Variants in SGCD observed in about 807,000 individuals in gnomAD.
SGCD encodes delta-sarcoglycan.
A neutral mutation model predicts 36.6 loss-of-function variants in SGCD; 18 were observed. The observed-to-expected ratio is 0.49, with a 90% CI of 0.34 to 0.73. SGCD has a LOEUF of 0.73. Among genes scored for constraint, SGCD ranks in the 30% least tolerant of loss-of-function variants. SGCD has a pLI of 0.01. For missense variants in SGCD, 387 were observed against 346.7 expected (o/e 1.12, Z -0.92); for synonymous variants, 133 against 130.6 (o/e 1.02, Z -0.12).
In SGCD at chr5:156,439,774, C is replaced by T. The variant is rs76533902; in HGVS notation, c.193-68827C>T. Among the ~76,000 whole-genome samples, 699 of 152,240 alleles carry T rather than the reference C, an allele frequency of 4.6e-3. 3 individuals carry two copies. The highest frequency in any genetic ancestry group is 0.016 in the African/African-American group (661 of 41,556). ...GAACATTTTGATTAAAGTGAGAGCT[C>T]ACTGTGCAGGATGCTCCACTTAATT... On this transcript the variant is annotated intron_variant, in intron 3 of 8. Transcript: ENST00000337851.
intron 3 of SGCD, among the ~76,000 whole-genome samples, chr5:156,130,633 AAT>A (rs777701072): frequency 2.0e-5 from 3 of 152,186 alleles, no homozygotes; most frequent in Non-Finnish European, 2.9e-5. Flanking sequence ...GTTGTGAGGA[AAT>A]AGTCTCTTGA....
At chr5:156,377,666 G>C (rs1226379265) in intron 3 of SGCD, among the ~76,000 whole-genome samples, 2 of 152,060 alleles carry the variant, frequency 1.3e-5, no homozygotes, top group South Asian at 2.1e-4. Context: ...GGTGTGTACT[G>C]GTGGGTTCCA....
At chr5:156,106,956 G>A (rs1327362113) in intron 1 of SGCD, among the ~76,000 whole-genome samples, 1 of 152,040 alleles carries the variant, frequency 6.6e-6, no homozygotes, top group Non-Finnish European at 1.5e-5. Context: ...TAGAAAATGT[G>A]TATCCTATTG....
chr5:156,298,582 T>C (rs1378570173), intron 3 of SGCD, among the ~76,000 whole-genome samples: 5 of 146,008 alleles, frequency 3.4e-5, no homozygotes, highest in African/African-American at 7.6e-5. Context: ...TTTTCTTTTT[T>C]TTTTTTTTTT....
chr5:156,252,505 T>C (rs1277921777), intron 3 of SGCD, among the ~76,000 whole-genome samples: 1 of 152,224 alleles, frequency 6.6e-6, no homozygotes, highest in Non-Finnish European at 1.5e-5. Flanking sequence ...AATATAATTA[T>C]AGGTTTAATT....
At chr5:156,338,580 G>A (rs779331563) in intron 2 of SGCD, among the ~76,000 whole-genome samples, 1 of 152,148 alleles carries the variant, frequency 6.6e-6, no homozygotes, top group African/African-American at 2.4e-5. Flanking sequence ...TTAAAGATCT[G>A]TCGAAAATGG....
intron 1 of SGCD, among the ~76,000 whole-genome samples, chr5:155,931,036 G>A (rs1317190368): frequency 6.6e-6 from 1 of 152,028 alleles, no homozygotes; most frequent in African/African-American, 2.4e-5. Flanking sequence ...ATAATGGTTA[G>A]GATAGCTTAA....
chr5:155,908,447 G>T (rs1445893902), intron 1 of SGCD, among the ~76,000 whole-genome samples: 2 of 152,104 alleles, frequency 1.3e-5, no homozygotes, highest in South Asian at 2.1e-4. Context: ...CTGTATAAAG[G>T]TTATTTCACT....
intron 3 of SGCD, among the ~76,000 whole-genome samples, chr5:156,313,241 T>G (rs981742595): frequency 6.6e-6 from 1 of 152,088 alleles, no homozygotes; most frequent in Non-Finnish European, 1.5e-5. Context: ...AAAAAAAGCC[T>G]GTATCTTTCA....
chr5:156,210,808 A>T (rs1350558743), intron 3 of SGCD, among the ~76,000 whole-genome samples: 1 of 152,126 alleles, frequency 6.6e-6, no homozygotes, highest in African/African-American at 2.4e-5. Flanking sequence ...AGCTTATGGA[A>T]TTTACAGAAG....
intron 1 of SGCD, among the ~76,000 whole-genome samples, chr5:155,956,786 T>C (rs141019857): frequency 2.8e-5 from 4 of 143,520 alleles, no homozygotes; most frequent in African/African-American, 1.0e-4. Context: ...GACCTTTTTG[T>C]TGGACTCAGG....
intron 3 of SGCD, among the ~76,000 whole-genome samples, chr5:156,296,123 G>C (rs180962670): frequency 6.6e-6 from 1 of 152,282 alleles, no homozygotes; most frequent in Admixed American, 6.5e-5. Context: ...GCAGGCACAA[G>C]TTCTGTGGAG....
intron 1 of SGCD, among the ~76,000 whole-genome samples, chr5:155,947,281 T>C (rs1307407640): frequency 1.3e-5 from 2 of 148,982 alleles, no homozygotes; most frequent in African/African-American, 4.9e-5. Context: ...CTTGGTATTA[T>C]CATAAATACT....
intron 1 of SGCD, among the ~76,000 whole-genome samples, chr5:156,042,051 G>A (rs560059105): frequency 2.6e-5 from 4 of 152,248 alleles, no homozygotes; most frequent in African/African-American, 9.6e-5. Context: ...GCAACACCAA[G>A]GGCCTTGGGT....
In SGCD at chr5:156,759,500, G is replaced by A. The variant is rs542066860; in HGVS notation, c.*110G>A. On this transcript the variant is annotated 3_prime_UTR_variant, in exon 9 of 9. Transcript: ENST00000337851. ...ACAGAAAGCCTATCAAAGACCTTGT[G>A]TGTATGTGTACGTGTGTGTGCGTGC... The A allele has an allele frequency of 2.8e-6, 2 of 720,262 alleles. No homozygotes were observed. The highest frequency in any genetic ancestry group is 4.6e-6 in the Non-Finnish European group (2 of 431,022). 44.6% of individuals were successfully genotyped at this position (720,262 alleles called of 1,614,324 possible).
chr5:155,892,791 C>A (rs1200000337), intron 1 of SGCD, among the ~76,000 whole-genome samples: 2 of 152,118 alleles, frequency 1.3e-5, no homozygotes, highest in African/African-American at 2.4e-5. Flanking sequence ...GTATATATAC[C>A]ACATTTTCTT....
At chr5:156,509,207 C>A (rs575433004) in intron 4 of SGCD, among the ~76,000 whole-genome samples, 2 of 152,004 alleles carry the variant, frequency 1.3e-5, no homozygotes, top group Admixed American at 1.3e-4. Context: ...GGGCAGATCA[C>A]CTGAAGTAGG....
At chr5:156,749,052 A>G (rs901995688) in intron 7 of SGCD, among the ~76,000 whole-genome samples, 4 of 152,316 alleles carry the variant, frequency 2.6e-5, no homozygotes, top group Admixed American at 6.5e-5. Flanking sequence ...GGCGTGAGCC[A>G]TTGAGCCCGG....
chr5:156,304,501 C>G (rs2221439), intron 3 of SGCD, among the ~76,000 whole-genome samples: 60,035 of 152,022 alleles, frequency 0.39, 13,094 homozygotes, highest in East Asian at 0.83. Flanking sequence ...CTCCCCCAGC[C>G]ACGTGGAACT....
Sources: allele counts gnomAD v4.1 joint callset (sites outside exome capture counted in the v4.1 genomes callset), GRCh38; gene constraint gnomAD v4.1.1; transcripts MANE v1.5; gene names NCBI Gene and HGNC (gene_info 2026-07-23, HGNC 2026-07-21).